The following NMNAT3 variants were observed in gnomAD, a reference collection of about 807,000 sequenced individuals.
The protein encoded by NMNAT3 is nicotinamide/nicotinic acid mononucleotide adenylyltransferase 3.
In NMNAT3, 21 loss-of-function variants were observed where a neutral mutation model predicts 24.8. The observed-to-expected ratio is 0.85, with a 90% CI of 0.60 to 1.22. The LOEUF (loss-of-function observed/expected upper bound fraction) is 1.22, where lower values mean the gene tolerates loss of function less well. Ranked by LOEUF, NMNAT3 falls within the 50% of genes most tolerant of loss-of-function variation. The pLI is 0.00. For missense variants in NMNAT3, 387 were observed against 436.6 expected, an observed-to-expected ratio of 0.89 and a Z score of 1.01; for synonymous variants, 136 against 155.2, an observed-to-expected ratio of 0.88 and a Z score of 0.92.
intron 4 of NMNAT3, among the ~76,000 whole-genome samples, chr3:139,580,006 G>T (rs1164242485): frequency 6.6e-6 from 1 of 152,124 alleles, no homozygotes; most frequent in African/African-American, 2.4e-5. Flanking sequence ...TTGTGTACTG[G>T]TGGGTTCACT....
At chr3:139,586,213 G>A (rs2108142276) in intron 3 of NMNAT3, among the ~76,000 whole-genome samples, 1 of 152,282 alleles carries the variant, frequency 6.6e-6, no homozygotes, top group Non-Finnish European at 1.5e-5. Flanking sequence ...ATACACACTG[G>A]GGTCTACTTG....
intron 2 of NMNAT3, among the ~76,000 whole-genome samples, chr3:139,630,477 C>T (rs143825252): frequency 1.8e-3 from 271 of 152,304 alleles, no homozygotes; most frequent in African/African-American, 5.2e-3. Flanking sequence ...AAACCACAAG[C>T]GACATTTTAT....
chr3:139,587,232 A>C (rs2053974311), intron 3 of NMNAT3, among the ~76,000 whole-genome samples: 2 of 152,184 alleles, frequency 1.3e-5, no homozygotes, highest in Admixed American at 1.3e-4. Context: ...CTTGAGAGGA[A>C]TAGTGAAGGA....
chr3:139,581,280 G>T (rs1164134591), intron 4 of NMNAT3, among the ~76,000 whole-genome samples: 1 of 136,994 alleles, frequency 7.3e-6, no homozygotes, highest in Non-Finnish European at 1.6e-5. Context: ...AGGGAAATTT[G>T]AATATGGACA....
Position 139,644,846 on chromosome 3 carries a change from A to G in NMNAT3, c.-140-6784T>C, listed in dbSNP as rs530437744. On this transcript the variant is annotated intron_variant, in intron 1 of 6. Coordinates refer to ENST00000643695, the MANE Select transcript of NMNAT3 (RefSeq NM_001320510.2). ...TCAACTTTTAGAGTCAATCTAGTGA[A>G]AAGACACAGAAGGCTTGTAATCACA... Among the ~76,000 whole-genome samples, 21 of 152,306 alleles carry G rather than the reference A, an allele frequency of 1.4e-4. No homozygotes were observed. The South Asian group carries it at 4.4e-3, about 32-fold the overall frequency.
Position 139,640,140 on chromosome 3 carries a change from G to C in NMNAT3, c.-140-2078C>G, listed in dbSNP as rs7634833. Among the ~76,000 whole-genome samples the C allele has an allele frequency of 6.2e-3, 950 of 152,212 alleles. 11 individuals are homozygous for C. Among genetic ancestry groups the C allele is most frequent in the African/African-American group, 0.022 (914 of 41,524 alleles). On this transcript the variant is annotated intron_variant, in intron 1 of 6. Transcript: ENST00000643695. ...TTTTCTGAAACTGTGCATGCATAAG[G>C]GTCCTAGGAACATGCTAGTAGAAAT...
intron 3 of NMNAT3, among the ~76,000 whole-genome samples, chr3:139,587,559 G>A (rs191097692): frequency 4.9e-4 from 74 of 152,206 alleles, no homozygotes; most frequent in African/African-American, 1.7e-3. Context: ...GGGGAGGTAG[G>A]CAGGAAAAAA....
intron 2 of NMNAT3, among the ~76,000 whole-genome samples, chr3:139,631,948 T>A (rs1006533168): frequency 6.6e-6 from 1 of 152,210 alleles, no homozygotes; most frequent in Non-Finnish European, 1.5e-5. Context: ...AGAGGTTTTT[T>A]ATTTTTTATT....
At chr3:139,642,076 C>G (rs2056723177) in intron 1 of NMNAT3, among the ~76,000 whole-genome samples, 1 of 152,154 alleles carries the variant, frequency 6.6e-6, no homozygotes, top group Non-Finnish European at 1.5e-5. Context: ...TCTCTTCTTT[C>G]CCTCCCTCCC....
intron 4 of NMNAT3, among the ~76,000 whole-genome samples, chr3:139,581,740 T>C (rs1195296221): frequency 2.0e-5 from 3 of 152,086 alleles, no homozygotes; most frequent in Non-Finnish European, 1.5e-5. Context: ...ATGAGAAAGA[T>C]GATAAAAGTC....
chr3:139,623,454 CA>C (rs2055893513), intron 3 of NMNAT3, among the ~76,000 whole-genome samples: 2 of 151,912 alleles, frequency 1.3e-5, no homozygotes, highest in East Asian at 3.9e-4. Flanking sequence ...TTTAAATAAA[CA>C]GAAGAAATAG....
At position 139,579,025 on chromosome 3, in the gene NMNAT3, G is replaced by A. The variant is rs758902192; in HGVS notation, c.422C>T (p.Ser141Phe). The change falls in exon 5 of 7, where the codon TCT becomes TTT. Residue 141 changes from serine (S) to phenylalanine (F), a missense_variant. By Grantham distance (155) the Ser-to-Phe change is radical (BLOSUM62 -2). Coordinates refer to ENST00000643695, the MANE Select transcript of NMNAT3 (RefSeq NM_001320510.2). ...CTTCCCATAGGTGTCGTTGACAGGA[G>A]AGATGATACCCTGGATGACCTGGTA... 6.2e-7 allele frequency: 1 copy of A among 1,614,118 alleles called. No homozygotes were observed. The highest frequency in any genetic ancestry group is 8.5e-7 in the Non-Finnish European group (1 of 1,180,002).
intron 3 of NMNAT3, among the ~76,000 whole-genome samples, chr3:139,616,605 A>G (rs1286812052): frequency 6.6e-6 from 1 of 152,004 alleles, no homozygotes; most frequent in Non-Finnish European, 1.5e-5. Flanking sequence ...CTCTCTTTCT[A>G]GTGGGTAGCA....
At chr3:139,661,057 C>T (rs2057398783) in intron 1 of NMNAT3, among the ~76,000 whole-genome samples, 1 of 152,132 alleles carries the variant, frequency 6.6e-6, no homozygotes, top group Non-Finnish European at 1.5e-5. Context: ...GGAAAACCCA[C>T]CCAGCTGTTT....
intron 1 of NMNAT3, among the ~76,000 whole-genome samples, chr3:139,641,126 G>A (rs1341263103): frequency 6.6e-6 from 1 of 152,134 alleles, no homozygotes. Flanking sequence ...AACATGTCCT[G>A]TCCATGTTCC....
chr3:139,669,478 G>GAAAAAA (rs61403161), intron 1 of NMNAT3, among the ~76,000 whole-genome samples: 2 of 59,320 alleles, frequency 3.4e-5, no homozygotes, highest in Admixed American at 2.0e-4. Flanking sequence ...CCCTGTCTCA[G>GAAAAAA]AAAAAAAAAA....
intron 1 of NMNAT3, among the ~76,000 whole-genome samples, chr3:139,645,063 G>T (rs1331460015): frequency 1.3e-5 from 2 of 152,126 alleles, no homozygotes; most frequent in Non-Finnish European, 2.9e-5. Context: ...TTAGCTGGGT[G>T]TGGTGGCACA....
intron 3 of NMNAT3, chr3:139,609,969 T>G (rs569612539): frequency 6.6e-6 from 1 of 152,310 alleles, no homozygotes; most frequent in South Asian, 2.1e-4. Flanking sequence ...ACAGTAAAAC[T>G]AAATAAGCAA....
At chr3:139,586,272 A>G (rs2053935840) in intron 3 of NMNAT3, among the ~76,000 whole-genome samples, 1 of 152,146 alleles carries the variant, frequency 6.6e-6, no homozygotes, top group African/African-American at 2.4e-5. Flanking sequence ...ACTAATGGGC[A>G]CCAAGCTTAA....
Sources: allele counts gnomAD v4.1 joint callset (sites outside exome capture counted in the v4.1 genomes callset), GRCh38; gene constraint gnomAD v4.1.1; transcripts MANE v1.5; gene names NCBI Gene and HGNC (gene_info 2026-07-23, HGNC 2026-07-21).